Variants in DPH2 observed in about 807,000 individuals in gnomAD.
The protein encoded by DPH2 is 2-(3-amino-3-carboxypropyl)histidine synthase subunit 2.
A neutral mutation model predicts 42.5 loss-of-function variants in DPH2; 28 were observed. The ratio of observed to expected loss-of-function variants is 0.66; its 90% confidence interval spans 0.49 to 0.90. The LOEUF (loss-of-function observed/expected upper bound fraction) is 0.90, where lower values mean the gene tolerates loss of function less well. DPH2 is among the 40% of genes least tolerant of loss of function. The pLI, the probability that DPH2 is intolerant of heterozygous loss-of-function variation, is 0.00. For missense variants in DPH2, 576 were observed against 636.0 expected (o/e 0.91, Z 1.01); for synonymous variants, 279 against 264.4 (o/e 1.06, Z -0.53).
At chr1:43,970,805 C>A in intron 2 of DPH2, 97 bp downstream of exon 2, 1 of 1,343,882 alleles carries the variant, frequency 7.4e-7, no homozygotes, top group Non-Finnish European at 1.1e-6. Context: ...GGTGTTTCTC[C>A]TTGATGATAA....
rs746536595 is a variant in DPH2 at position 43,972,045 on chromosome 1, C to T, written c.1143C>T (p.Leu381=). Residue 381 remains leucine, a synonymous_variant, in exon 4 of 6, where the codon CTC becomes CTT. Transcript: ENST00000255108. ...CACCTCCAGGCCTGGCTCCCCACCT[C>T]ACACATTATGCGGACTTATTGCCTG... ...AWPPPGLAPH[L]THYADLLPGS... The T allele has an allele frequency of 1.9e-6, 3 of 1,613,980 alleles. No individual in the cohort carries two copies. Among genetic ancestry groups the T allele is most frequent in the Non-Finnish European group, 2.5e-6 (3 of 1,179,922 alleles).
In DPH2 at chr1:43,970,102, T is replaced by A; in HGVS notation, c.-74T>A. ...AAGGCGATTTTGACCCCCTGAGGGC[T>A]GCTCTAGAGGACTCAGGCCCCGAAG... On this transcript the variant is annotated 5_prime_UTR_variant, in exon 1 of 6. Coordinates refer to ENST00000255108, the MANE Select transcript of DPH2 (RefSeq NM_001384.5). 1 of 1,556,678 alleles carries A rather than the reference T, an allele frequency of 6.4e-7. No individual in the cohort carries two copies. Among genetic ancestry groups the A allele is most frequent in the Admixed American group, 1.9e-5 (1 of 53,898 alleles).
Position 43,972,210 on chromosome 1 carries a change from C to T in DPH2, c.1221C>T (p.Thr407=), listed in dbSNP as rs751179861. ...CACCTGAGTCAGAGCTGTGGGAAAC[C>T]CCAGACGTGTCACTCATTACTGGAG... ...LPPPESELWE[T]PDVSLITGDL... is the part of the protein sequence containing the mutation. The change falls in exon 5 of 6, where the codon ACC becomes ACT. Residue 407 remains threonine (T), a synonymous_variant. Transcript: ENST00000255108. 1.2e-6 allele frequency: 2 copies of T among 1,614,204 alleles called. No homozygotes were observed. The highest frequency in any genetic ancestry group is 1.7e-6 in the Non-Finnish European group (2 of 1,180,022).
Position 43,970,255 on chromosome 1 carries a change from C to T in DPH2, c.80C>T (p.Pro27Leu), listed in dbSNP as rs1174458388. 22 of 1,614,220 alleles carry T rather than the reference C, an allele frequency of 1.4e-5. No homozygotes were observed. The highest frequency in any genetic ancestry group is 1.8e-5 in the Non-Finnish European group (21 of 1,180,022). ...GTGCCAGGACTGCTTACTCCTCTTCCGGACCTGGACGGAGTGTACGAGCTG... is the reference window on the plus strand; with the variant it reads ...GTGCCAGGACTGCTTACTCCTCTTCTGGACCTGGACGGAGTGTACGAGCTG... ...TGVPGLLTPL[P>L]DLDGVYELER... Residue 27 changes from proline to leucine, a missense_variant, in exon 1 of 6, where the codon CCG (proline) becomes CTG (leucine). Transcript: ENST00000255108.
Position 43,972,496 on chromosome 1 carries a change from G to A in DPH2, c.1427G>A (p.Arg476Lys). The change falls in exon 6 of 6, where the codon AGA (arginine) becomes AAA (lysine). Residue 476 changes from arginine (R) to lysine (K), a missense_variant. Arg to Lys is a conservative substitution (Grantham distance 26, BLOSUM62 2). Transcript: ENST00000255108. ...CCAGTGACAGAAGCTGTGAGTGGAA[G>A]ACGAGGGATTGCCATCGCCTATGAG... ...QTPVTEAVSG[R>K]RGIAIAYEDE... The A allele has an allele frequency of 6.2e-7, 1 of 1,614,280 alleles. No homozygotes were observed.
Position 43,971,747 on chromosome 1 carries a change from G to T in DPH2, c.845G>T (p.Arg282Leu), listed in dbSNP as rs140036435. 8 of 1,609,910 alleles carry T rather than the reference G, an allele frequency of 5.0e-6. No homozygotes were observed. The African/African-American group carries it at 1.1e-4, about 21-fold the overall frequency. Residue 282 changes from arginine (R) to leucine (L), a missense_variant, in exon 4 of 6, where the codon CGC (arginine) becomes CTC (leucine). By Grantham distance (102) the Arg-to-Leu change is moderately radical. Around this residue, in one of 3 missense-constraint regions of DPH2, gnomAD observed 395 missense variants for 435.2 expected, o/e 0.91. Transcript: ENST00000255108. ...CTGGTAGAGAGGGCCAGAGATGCCC[G>T]CGTGGTAGGGCTGCTGGCAGGCACA... is the stretch of plus-strand genomic sequence containing the variant. ...RYLVERARDA[R>L]VVGLLAGTLG...
intron 3 of DPH2, 62 bp downstream of exon 3, chr1:43,971,251 C>A: frequency 6.5e-7 from 1 of 1,531,482 alleles, no homozygotes; most frequent in South Asian, 1.2e-5. Flanking sequence ...CTTAATTTCC[C>A]CATTTCCATA....
chr1:43,971,749 G>C lies in DPH2; in HGVS notation c.847G>C (p.Val283Leu). 4 of 1,610,220 alleles carry C rather than the reference G, an allele frequency of 2.5e-6. No homozygotes were observed. The highest frequency in any genetic ancestry group is 2.2e-5 in the South Asian group (2 of 91,084). ...GGTAGAGAGGGCCAGAGATGCCCGC[G>C]TGGTAGGGCTGCTGGCAGGCACACT... The part of the protein sequence containing the change: ...YLVERARDAR[V>L]VGLLAGTLGV... The change falls in exon 4 of 6, where the codon GTG becomes CTG. Residue 283 changes from valine (V) to leucine (L), a missense_variant. Physicochemically the swap from Val to Leu is conservative, Grantham distance 32 (BLOSUM62 1). This residue lies in a region of DPH2 where 395 missense variants were observed against 435.2 expected (regional missense o/e 0.91). Coordinates refer to ENST00000255108, the MANE Select transcript of DPH2 (RefSeq NM_001384.5).
rs564434138 is a variant in DPH2, at chr1:43,970,683, A to G, written c.235A>G (p.Ile79Val). ...GGAGACGACAGGGTCAAAGATGTTC[A>G]TTCTGGGTGACACAGCCTACGGCAG... Reference protein sequence around the residue: ...LEETTGSKMFILGDTAYGSCC... With the variant: ...LEETTGSKMFVLGDTAYGSCC... The change falls in exon 2 of 6, where the codon ATT becomes GTT. Residue 79 changes from isoleucine to valine, a missense_variant. Coordinates refer to ENST00000255108, the MANE Select transcript of DPH2 (RefSeq NM_001384.5). 3 of 1,614,142 alleles carry G rather than the reference A, an allele frequency of 1.9e-6. No individual in the cohort carries two copies. In the African/African-American group the frequency reaches 4.0e-5, roughly 22 times the overall value.
chr1:43,972,018 G>C lies in DPH2; in HGVS notation c.1116G>C (p.Trp372Cys). The change falls in exon 4 of 6, where the codon TGG (tryptophan) becomes TGC (cysteine). Residue 372 changes from tryptophan (W) to cysteine (C), a missense_variant. Physicochemically the swap from Trp to Cys is radical, Grantham distance 215. Around this residue, in one of 3 missense-constraint regions of DPH2, gnomAD observed 178 missense variants for 184.4 expected, o/e 0.97. Coordinates refer to ENST00000255108, the MANE Select transcript of DPH2 (RefSeq NM_001384.5). ...TGGAAGCTGCCTGCAACCCTGCCTG[G>C]CCACCTCCAGGCCTGGCTCCCCACC... The part of the protein sequence containing the change: ...CELEAACNPA[W>C]PPPGLAPHLT... The C allele has an allele frequency of 6.2e-7, 1 of 1,614,122 alleles. No homozygotes were observed.
At chr1:43,970,427 G>C (rs1360427371) in intron 1 of DPH2, 105 bp downstream of exon 1, 23 of 1,551,410 alleles carry the variant, frequency 1.5e-5, no homozygotes, top group Non-Finnish European at 2.0e-5. Context: ...GGGGGAATCA[G>C]TCTGTCCGCA....
chr1:43,971,088 C>A lies in DPH2; in HGVS notation c.383C>A (p.Ser128Tyr). ...LPVAFVLRQR[S>Y]VALELCVKAF... ...GTTGCCTTCGTGCTTCGTCAACGTT[C>A]TGTGGCCTTGGAGCTCTGTGTCAAG... The change falls in exon 3 of 6, where the codon TCT becomes TAT. Residue 128 changes from serine (S) to tyrosine (Y), a missense_variant. This residue lies in a region of DPH2 where 395 missense variants were observed against 435.2 expected (regional missense o/e 0.91). Coordinates refer to ENST00000255108, the MANE Select transcript of DPH2 (RefSeq NM_001384.5). 6.4e-7 allele frequency: 1 copy of A among 1,562,818 alleles called. No homozygotes were observed. Among genetic ancestry groups the A allele is most frequent in the Non-Finnish European group, 8.7e-7 (1 of 1,152,420 alleles).
Position 43,971,173 on chromosome 1 carries a change from C to T in DPH2, c.468C>T (p.Ala156=). The T allele has an allele frequency of 6.4e-7, 1 of 1,555,154 alleles. No homozygotes were observed. Among genetic ancestry groups the T allele is most frequent in the Non-Finnish European group, 8.7e-7 (1 of 1,148,570 alleles). The change falls in exon 3 of 6, where the codon GCC becomes GCT. Residue 156 remains alanine, a synonymous_variant. Coordinates refer to ENST00000255108, the MANE Select transcript of DPH2 (RefSeq NM_001384.5). ...KAPVVLLSEP[A]CAHALEALAT... ...CTGTGGTGCTGCTGAGTGAGCCGGC[C>T]TGTGCCCATGCCCTGGGTAAGGGGT...
At position 43,973,289 on chromosome 1, in the gene DPH2, A is replaced by G. The variant is rs4221; in HGVS notation, c.*750A>G. ...ATATGCCATCATGGCAGAAAGTTCT[A>G]TTGGTTGGACAGCGTTGGTCTATAC... On this transcript the variant is annotated 3_prime_UTR_variant, in exon 6 of 6. Coordinates refer to ENST00000255108, the MANE Select transcript of DPH2 (RefSeq NM_001384.5). 40,284 of 152,306 alleles carry G rather than the reference A, an allele frequency of 0.26. 7,423 individuals carry two copies. The highest frequency in any genetic ancestry group is 0.52 in the African/African-American group (21,486 of 41,546). 9.4% of individuals were successfully genotyped at this position (152,306 alleles called of 1,614,324 possible).
rs2085445718 is a variant in DPH2, at chr1:43,972,156, A to G, written c.1169-2A>G. On this transcript the variant is annotated splice_acceptor_variant, in intron 4 of 5. Coordinates refer to ENST00000255108, the MANE Select transcript of DPH2 (RefSeq NM_001384.5). LOFTEE classifies it high-confidence loss of function. ...TGGATTTTCTTTCCTCCTCCCTTTC[A>G]GGCTCTCCCTTCCACGTGGCTCTCC... The G allele has an allele frequency of 6.2e-7, 1 of 1,612,756 alleles. No homozygotes were observed. Among genetic ancestry groups the G allele is most frequent in the East Asian group, 2.2e-5 (1 of 44,854 alleles).
chr1:43,972,480 GA>G lies in DPH2; in HGVS notation c.1413del (p.Ala472LeufsTer2). On this transcript the variant is annotated frameshift_variant, in exon 6 of 6. Coordinates refer to ENST00000255108, the MANE Select transcript of DPH2 (RefSeq NM_001384.5). LOFTEE classifies it high-confidence loss of function. ...CCGCCTGGGTCAGACGCCAGTGACA[GA>G]AGCTGTGAGTGGAAGACGAGGGATT... ...EPRLGQTPVT[E>X]AVSGRRGIAI... The G allele has an allele frequency of 6.2e-7, 1 of 1,614,276 alleles. No homozygotes were observed. Among genetic ancestry groups the G allele is most frequent in the Non-Finnish European group, 8.5e-7 (1 of 1,180,054 alleles).
At position 43,973,121 on chromosome 1, in the gene DPH2, C is replaced by T. The variant is rs1348932112; in HGVS notation, c.*582C>T. The T allele has an allele frequency of 6.5e-6, 1 of 153,434 alleles. No individual in the cohort carries two copies. The highest frequency in any genetic ancestry group is 1.5e-5 in the Non-Finnish European group (1 of 68,964). 9.5% of individuals were successfully genotyped at this position (153,434 alleles called of 1,614,324 possible). A position where few individuals can be genotyped will look rare whatever the true frequency, so the allele number is the denominator to read the frequency against. Reference sequence around the variant, plus strand: ...ATTGAGAACCACTGGTCTAGCTAGACCTGCACTGTCCAGTACAGTAGCCAC... The same window carrying T: ...ATTGAGAACCACTGGTCTAGCTAGATCTGCACTGTCCAGTACAGTAGCCAC... On this transcript the variant is annotated 3_prime_UTR_variant, in exon 6 of 6. Transcript: ENST00000255108.
chr1:43,970,528 G>C lies in DPH2; in HGVS notation c.148-68G>C, dbSNP rs1004020810. On this transcript the variant is annotated intron_variant, in intron 1 of 5. Coordinates refer to ENST00000255108, the MANE Select transcript of DPH2 (RefSeq NM_001384.5). ...TTTGAAGGTTGAGTGGGAGCTCCTG[G>C]AAGATTGCTTTAAAGAAGCCCTCAG... The C allele has an allele frequency of 2.2e-5, 34 of 1,575,714 alleles. No individual in the cohort carries two copies. In the African/African-American group the frequency reaches 4.3e-4, roughly 20 times the overall value.
In DPH2 at chr1:43,972,242, G is replaced by A. The variant is rs760930824; in HGVS notation, c.1253G>A (p.Arg418Gln). 3.5e-5 allele frequency: 56 copies of A among 1,614,026 alleles called. No homozygotes were observed. Among genetic ancestry groups the A allele is most frequent in the Middle Eastern group, 3.3e-4 (2 of 6,084 alleles). ...PDVSLITGDL[R>Q]PPPAWKSSND... ...GTGTCACTCATTACTGGAGATCTCCGACCCCCACCTGCCTGGAAGTCATCA... is the reference window on the plus strand; with the variant it reads ...GTGTCACTCATTACTGGAGATCTCCAACCCCCACCTGCCTGGAAGTCATCA... Residue 418 changes from arginine to glutamine, a missense_variant, in exon 5 of 6, where the codon CGA (arginine) becomes CAA (glutamine). Arg to Gln is a conservative substitution (Grantham distance 43). This residue lies in a region of DPH2 where 178 missense variants were observed against 184.4 expected (regional missense o/e 0.97). Transcript: ENST00000255108.
Sources: allele counts gnomAD v4.1 joint callset, GRCh38; gene constraint gnomAD v4.1.1; regional missense constraint gnomAD v4.1.1; transcripts MANE v1.5; gene names NCBI Gene and HGNC (gene_info 2026-07-23, HGNC 2026-07-21).